The following GNG12 variants were observed in gnomAD, a reference collection of about 807,000 sequenced individuals.
GNG12 encodes the protein guanine nucleotide-binding protein G(I)/G(S)/G(O) subunit gamma-12.
For missense variants in GNG12, 69 were observed against 83.8 expected, an observed-to-expected ratio of 0.82 and a Z score of 0.69; for synonymous variants, 28 against 29.7, an observed-to-expected ratio of 0.94 and a Z score of 0.19.
At chr1:67,821,705 G>A (rs1182808155) in intron 1 of GNG12, among the ~76,000 whole-genome samples, 1 of 151,894 alleles carries the variant, frequency 6.6e-6, no homozygotes, top group African/African-American at 2.4e-5. Flanking sequence ...GTGGTAATTT[G>A]TTATAGCGGC....
intron 1 of GNG12, among the ~76,000 whole-genome samples, chr1:67,803,403 T>C (rs1646877785): frequency 6.6e-6 from 1 of 152,088 alleles, no homozygotes; most frequent in Non-Finnish European, 1.5e-5. Flanking sequence ...TTTCTCCTTA[T>C]ATGGTGACAA....
intron 1 of GNG12, among the ~76,000 whole-genome samples, chr1:67,826,010 CT>C (rs1333226347): frequency 1.3e-5 from 2 of 152,180 alleles, no homozygotes; most frequent in Non-Finnish European, 2.9e-5. Flanking sequence ...ATCAGTATTA[CT>C]TTTTTACATG....
intron 1 of GNG12, among the ~76,000 whole-genome samples, chr1:67,782,493 C>A (rs1034583591): frequency 6.6e-6 from 1 of 152,220 alleles, no homozygotes; most frequent in African/African-American, 2.4e-5. Flanking sequence ...AAGAGCTGGT[C>A]TAAGCTGTTC....
At chr1:67,724,382 T>C (rs766349857) in intron 2 of GNG12, among the ~76,000 whole-genome samples, 2 of 152,216 alleles carry the variant, frequency 1.3e-5, no homozygotes, top group African/African-American at 2.4e-5. Flanking sequence ...TAGAAGAGCA[T>C]GCACTGTCAA....
At chr1:67,802,197 CCAAAGGGCA>C (rs1382886756) in intron 1 of GNG12, among the ~76,000 whole-genome samples, 2 of 151,982 alleles carry the variant, frequency 1.3e-5, no homozygotes, top group East Asian at 3.9e-4. Context: ...ACTGTAGCTA[CCAAAGGGCA>C]AAGACCTGGA....
chr1:67,803,139 T>C (rs569681289), intron 1 of GNG12, among the ~76,000 whole-genome samples: 34 of 152,330 alleles, frequency 2.2e-4, no homozygotes, highest in African/African-American at 7.9e-4. Flanking sequence ...ATTACATTGG[T>C]CTATGGCCCT....
rs115201618 is a variant in GNG12, at chr1:67,772,232, T to C, written c.-27+5226A>G. On this transcript the variant is annotated intron_variant, in intron 2 of 3. Coordinates refer to ENST00000370982, the MANE Select transcript of GNG12 (RefSeq NM_018841.6). ...TCACAGATCTGTTGAAGTCTATTCA[T>C]AGTCTCCAGATTAAGAACTACTCCT... is the stretch of plus-strand genomic sequence containing the variant. Among the ~76,000 whole-genome samples the C allele has an allele frequency of 8.4e-3, 1,280 of 152,314 alleles. 11 individuals carry two copies. Among genetic ancestry groups the C allele is most frequent in the Non-Finnish European group, 0.013 (875 of 68,028 alleles).
In GNG12 at chr1:67,705,447, T is replaced by A. The variant is rs1443327549; in HGVS notation, c.*4A>T. The A allele has an allele frequency of 6.2e-7, 1 of 1,613,460 alleles. No individual in the cohort carries two copies. Among genetic ancestry groups the A allele is most frequent in the East Asian group, 2.2e-5 (1 of 44,872 alleles). On this transcript the variant is annotated 3_prime_UTR_variant, in exon 4 of 4. Transcript: ENST00000370982. ...AAGAGGCGAGGAGCTGTTTCTCTAT[T>A]CCACTATAAGATGATGCAAGTTTTT...
chr1:67,748,213 G>A (rs1646517906), intron 2 of GNG12, among the ~76,000 whole-genome samples: 1 of 152,302 alleles, frequency 6.6e-6, no homozygotes, highest in Middle Eastern at 3.4e-3. Context: ...ACTTTTCGAA[G>A]GAGTTTTCTG....
chr1:67,795,551 A>T (rs561145268), intron 1 of GNG12, among the ~76,000 whole-genome samples: 48 of 152,352 alleles, frequency 3.2e-4, no homozygotes, highest in South Asian at 2.1e-4. Flanking sequence ...CCTGAATGCC[A>T]GTTCTCAGGA....
intron 2 of GNG12, among the ~76,000 whole-genome samples, chr1:67,756,733 T>C (rs1035864340): frequency 1.3e-5 from 2 of 152,226 alleles, no homozygotes; most frequent in African/African-American, 4.8e-5. Context: ...GATTCCTCTG[T>C]GATCTAGTTC....
intron 2 of GNG12, among the ~76,000 whole-genome samples, chr1:67,734,255 G>C (rs1646438740): frequency 6.6e-6 from 1 of 151,810 alleles, no homozygotes; most frequent in South Asian, 2.1e-4. Context: ...GAGAGCACAG[G>C]GCAGCTAGAG....
In GNG12 at chr1:67,702,143, T is replaced by TA. The variant is rs1257301166; in HGVS notation, c.*3307dup. 6.6e-6 allele frequency: 1 copy of TA among 152,322 alleles called. No homozygotes were observed. The highest frequency in any genetic ancestry group is 1.5e-5 in the Non-Finnish European group (1 of 68,062). The allele number at this position is 152,322 out of a possible 1,614,324, so 9.4% of individuals were successfully genotyped here. A position where few individuals can be genotyped will look rare whatever the true frequency, so the allele number is the denominator to read the frequency against. ...GGCCACTGACTTCAGGTAAGTGCTC[T>TA]ATTTTAACATACAGATATAAGATTC... On this transcript the variant is annotated 3_prime_UTR_variant, in exon 4 of 4. Coordinates refer to ENST00000370982, the MANE Select transcript of GNG12 (RefSeq NM_018841.6).
chr1:67,728,809 G>GC (rs961288486), intron 2 of GNG12, among the ~76,000 whole-genome samples: 19 of 152,114 alleles, frequency 1.2e-4, no homozygotes, highest in East Asian at 3.9e-4. Flanking sequence ...AAGAAAATAG[G>GC]CCCCCCCACA....
chr1:67,733,732 T>G (rs1646434801), intron 2 of GNG12, among the ~76,000 whole-genome samples: 1 of 152,098 alleles, frequency 6.6e-6, no homozygotes, highest in South Asian at 2.1e-4. Context: ...TTCCTGGGAG[T>G]CATTGCAGGA....
chr1:67,792,506 C>G (rs1646807407), intron 1 of GNG12, among the ~76,000 whole-genome samples: 1 of 152,118 alleles, frequency 6.6e-6, no homozygotes, highest in Admixed American at 6.5e-5. Context: ...TATATAAAAC[C>G]TCATGGCTAC....
intron 1 of GNG12, among the ~76,000 whole-genome samples, chr1:67,828,088 C>T (rs568477599): frequency 2.0e-5 from 3 of 152,242 alleles, no homozygotes; most frequent in Non-Finnish European, 2.9e-5. Context: ...CGAGTCAGTT[C>T]CTTCATCTGT....
chr1:67,794,763 T>TAAACAAAG, intron 1 of GNG12, among the ~76,000 whole-genome samples: 1 of 152,364 alleles, frequency 6.6e-6, no homozygotes, highest in South Asian at 2.1e-4. Flanking sequence ...AACTTCAAGC[T>TAAACAAAG]TATAGGGCAA....
At position 67,720,255 on chromosome 1, in the gene GNG12, C is replaced by T. The variant is rs567690919; in HGVS notation, c.-26-12543G>A. ...GGGACCATGCACACTCATCCTGTGC[C>T]CCAAATAAGTTTTCAGCTGGTGAAG... On this transcript the variant is annotated intron_variant, in intron 2 of 3. Coordinates refer to ENST00000370982, the MANE Select transcript of GNG12 (RefSeq NM_018841.6). Among the ~76,000 whole-genome samples, 10 of 152,266 alleles carry T rather than the reference C, an allele frequency of 6.6e-5. No individual in the cohort carries two copies. The East Asian group carries it at 1.9e-3, about 29-fold the overall frequency.
Sources: allele counts gnomAD v4.1 joint callset (sites outside exome capture counted in the v4.1 genomes callset), GRCh38; gene constraint gnomAD v4.1.1; transcripts MANE v1.5; gene names NCBI Gene and HGNC (gene_info 2026-07-23, HGNC 2026-07-21).